Variants in SLCO5A1 observed in about 807,000 individuals in gnomAD.
SLCO5A1 encodes the protein organic anion transporter polypeptide-related protein 4.
Under a neutral mutation model 65.1 loss-of-function variants are expected in SLCO5A1, and 39 were observed. The observed-to-expected ratio is 0.60, with a 90% CI of 0.46 to 0.78. SLCO5A1 has a LOEUF of 0.78. Among genes scored for constraint, SLCO5A1 ranks in the 30% least tolerant of loss-of-function variants. The pLI is 0.00. For missense variants in SLCO5A1, 1,029 were observed against 1,069.4 expected, an observed-to-expected ratio of 0.96 and a Z score of 0.53; for synonymous variants, 438 against 415.7, an observed-to-expected ratio of 1.05 and a Z score of -0.65.
In SLCO5A1 at chr8:69,741,780, G is replaced by A. The variant is rs187124524; in HGVS notation, c.1259-3576C>T. Among the ~76,000 whole-genome samples, 29 of 152,158 alleles carry A rather than the reference G, an allele frequency of 1.9e-4. No individual in the cohort carries two copies. The East Asian group carries it at 5.2e-3, about 27-fold the overall frequency. ...AAATTGAAGGATATTCAAAGTTAATGGATATTCAAAGTTAATGGATATACA... is the reference window on the plus strand; with the variant it reads ...AAATTGAAGGATATTCAAAGTTAATAGATATTCAAAGTTAATGGATATACA... On this transcript the variant is annotated intron_variant, in intron 4 of 9. Transcript: ENST00000260126.
chr8:69,716,992 C>T (rs1815576093), intron 5 of SLCO5A1, among the ~76,000 whole-genome samples: 1 of 152,136 alleles, frequency 6.6e-6, no homozygotes, highest in Non-Finnish European at 1.5e-5. Flanking sequence ...GTTGCCCAGG[C>T]TGCTCTCAAA....
At chr8:69,720,494 G>C (rs1815770943) in intron 5 of SLCO5A1, among the ~76,000 whole-genome samples, 1 of 152,230 alleles carries the variant, frequency 6.6e-6, no homozygotes, top group South Asian at 2.1e-4. Flanking sequence ...TGTACTCAAA[G>C]TTGCAGGAGA....
chr8:69,782,671 A>G (rs1008045523), intron 2 of SLCO5A1, among the ~76,000 whole-genome samples: 4 of 152,102 alleles, frequency 2.6e-5, no homozygotes, highest in African/African-American at 9.7e-5. Context: ...TTACTAAGTT[A>G]ACATGCCTAA....
At chr8:69,695,077 T>A (rs1240880670) in intron 6 of SLCO5A1, among the ~76,000 whole-genome samples, 4 of 152,178 alleles carry the variant, frequency 2.6e-5, no homozygotes, top group Admixed American at 2.0e-4. Context: ...GGAGTAGAGA[T>A]AAGAAACTAA....
chr8:69,688,059 G>A (rs1409183203), intron 6 of SLCO5A1, among the ~76,000 whole-genome samples: 1 of 151,624 alleles, frequency 6.6e-6, no homozygotes, highest in South Asian at 2.1e-4. Flanking sequence ...TTTCAAACTT[G>A]GCAGAAAGAA....
At chr8:69,829,781 G>T (rs1455188648) in intron 2 of SLCO5A1, among the ~76,000 whole-genome samples, 3 of 152,186 alleles carry the variant, frequency 2.0e-5, no homozygotes, top group Non-Finnish European at 4.4e-5. Flanking sequence ...TCCTTAGGAT[G>T]TTGATGTTCC....
intron 5 of SLCO5A1, 59 bp from the exon 6 acceptor site, chr8:69,705,288 T>C (rs1814921219): frequency 3.9e-6 from 6 of 1,536,292 alleles, no homozygotes; most frequent in East Asian, 2.3e-5. Context: ...ATTCATCTTA[T>C]CTATTCTGTC....
At position 69,742,794 on chromosome 8, in the gene SLCO5A1, C is replaced by CTTTTTT. The variant is rs10633803; in HGVS notation, c.1259-4596_1259-4591dup. ...CTGAGATAGGTGGTGTGAGTGGATT[C>CTTTTTT]TTTTTTTTTTTTTTTTTTTTTTTTG... On this transcript the variant is annotated intron_variant, in intron 4 of 9. Transcript: ENST00000260126. Among the ~76,000 whole-genome samples, 128 of 83,178 alleles carry CTTTTTT rather than the reference C, an allele frequency of 1.5e-3. 4 individuals are homozygous for CTTTTTT. Among genetic ancestry groups the CTTTTTT allele is most frequent in the African/African-American group, 2.7e-3 (55 of 20,516 alleles). 54.6% of individuals were successfully genotyped at this position (83,178 alleles called of 152,430 possible).
At chr8:69,681,666 G>A (rs938429732) in intron 7 of SLCO5A1, among the ~76,000 whole-genome samples, 1 of 152,082 alleles carries the variant, frequency 6.6e-6, no homozygotes, top group African/African-American at 2.4e-5. Context: ...TACAGGAAAG[G>A]GAATTCTCAA....
chr8:69,723,866 G>A (rs893349825), intron 5 of SLCO5A1, among the ~76,000 whole-genome samples: 20 of 150,100 alleles, frequency 1.3e-4, no homozygotes, highest in African/African-American at 4.2e-4. Context: ...TCCGCCTCCC[G>A]GGTTCAAGCG....
Position 69,804,589 on chromosome 8 carries a change from T to G in SLCO5A1, c.907+27178A>C, listed in dbSNP as rs554382392. Among the ~76,000 whole-genome samples, 244 of 152,358 alleles carry G rather than the reference T, an allele frequency of 1.6e-3. 1 individual carries two copies. Among genetic ancestry groups the G allele is most frequent in the African/African-American group, 5.4e-3 (223 of 41,592 alleles). On this transcript the variant is annotated intron_variant, in intron 2 of 9. Transcript: ENST00000260126. ...CCTTGGCCTCCCAAAGTGCTGGGAT[T>G]ACAGGCATGAGCCACCGTGCCCAGC...
intron 2 of SLCO5A1, among the ~76,000 whole-genome samples, chr8:69,802,625 C>T (rs1334768601): frequency 2.0e-5 from 3 of 152,102 alleles, no homozygotes; most frequent in Non-Finnish European, 2.9e-5. Flanking sequence ...ATTGTGCCGC[C>T]TGCTCTGACC....
chr8:69,814,026 A>C (rs1820312472), intron 2 of SLCO5A1, among the ~76,000 whole-genome samples: 2 of 152,218 alleles, frequency 1.3e-5, no homozygotes, highest in Admixed American at 1.3e-4. Context: ...AGTTGTTCTG[A>C]GGATAAAACA....
At position 69,673,009 on chromosome 8, in the gene SLCO5A1, C is replaced by A; in HGVS notation, c.2407G>T (p.Glu803Ter). Residue 803 changes from glutamate (E) to a stop codon, truncating the protein, a stop_gained, in exon 10 of 10, where the codon GAA becomes TAA. Transcript: ENST00000260126. LOFTEE classifies it high-confidence loss of function. ...RSCPAFSTQGEFHEETGLQKG... is the reference protein window; with the variant it reads ...RSCPAFSTQG ...TGCAGGCCAGTCTCTTCGTGGAATT[C>A]TCCCTGGGTGCTGAAAGCTGGGCAA... The A allele has an allele frequency of 6.2e-7, 1 of 1,614,202 alleles. No homozygotes were observed. The highest frequency in any genetic ancestry group is 8.5e-7 in the Non-Finnish European group (1 of 1,180,034).
intron 5 of SLCO5A1, among the ~76,000 whole-genome samples, chr8:69,707,083 C>T (rs563913368): frequency 1.4e-4 from 22 of 152,206 alleles, no homozygotes; most frequent in African/African-American, 5.1e-4. Context: ...ACCCTAGAGG[C>T]AGAGGTTGCA....
At chr8:69,784,159 A>T (rs924254426) in intron 2 of SLCO5A1, among the ~76,000 whole-genome samples, 2 of 152,194 alleles carry the variant, frequency 1.3e-5, no homozygotes, top group African/African-American at 4.8e-5. Context: ...ATTTGCAAAG[A>T]CTCATACCCA....
chr8:69,718,958 T>G (rs191875212), intron 5 of SLCO5A1, among the ~76,000 whole-genome samples: 1 of 152,140 alleles, frequency 6.6e-6, no homozygotes, highest in Non-Finnish European at 1.5e-5. Context: ...TAAAGTCTCA[T>G]TGACAAGGGG....
chr8:69,708,796 C>A lies in SLCO5A1; in HGVS notation c.1424-3567G>T, dbSNP rs187887682. ...GCATATGCCTGTAATCTCAGTTACT[C>A]CGGAGACTGAGGCAGGAGAATTATT... On this transcript the variant is annotated intron_variant, in intron 5 of 9. Transcript: ENST00000260126. 1.4e-3 allele frequency among the ~76,000 whole-genome samples: 210 copies of A among 151,814 alleles called. 1 individual carries two copies. The highest frequency in any genetic ancestry group is 4.8e-3 in the African/African-American group (199 of 41,392).
At chr8:69,764,923 C>T (rs963087440) in intron 2 of SLCO5A1, among the ~76,000 whole-genome samples, 2 of 152,054 alleles carry the variant, frequency 1.3e-5, no homozygotes, top group Non-Finnish European at 2.9e-5. Flanking sequence ...GAGTGGCAAG[C>T]GGGATTGTGC....
Sources: allele counts gnomAD v4.1 joint callset (sites outside exome capture counted in the v4.1 genomes callset), GRCh38; gene constraint gnomAD v4.1.1; transcripts MANE v1.5; gene names NCBI Gene and HGNC (gene_info 2026-07-23, HGNC 2026-07-21).